The following RCC1L variants were observed in gnomAD, a reference collection of about 807,000 sequenced individuals.
The protein encoded by RCC1L is RCC1 like, also known as RCC1-like G exchanging factor-like protein.
Under a neutral mutation model 58.6 loss-of-function variants are expected in RCC1L, and 46 were observed. The observed-to-expected ratio is 0.79, with a 90% CI of 0.62 to 1.00. The LOEUF (loss-of-function observed/expected upper bound fraction) is 1.00. Among genes scored for constraint, RCC1L ranks in the 50% least tolerant of loss-of-function variants. The probability of loss-of-function intolerance (pLI) is 0.00; values close to 1 mark genes in which losing one functional copy is unlikely to be tolerated. For synonymous variants in RCC1L, 281 were observed against 262.9 expected (o/e 1.07, Z -0.67); for missense variants, 636 against 623.6 (o/e 1.02, Z -0.21).
At chr7:75,035,061 C>T (rs1241609153) in intron 10 of RCC1L, among the ~76,000 whole-genome samples, 1 of 152,068 alleles carries the variant, frequency 6.6e-6, no homozygotes, top group Non-Finnish European at 1.5e-5. Context: ...GATGGAGTCT[C>T]GCTCTGTCAC....
At chr7:75,041,943 C>G (rs982514656), downstream of RCC1L, among the ~76,000 whole-genome samples, 7 of 151,572 alleles carry the variant, frequency 4.6e-5, no homozygotes, top group South Asian at 1.5e-3. Context: ...TTCAGTTGAG[C>G]ACGGTAGCTC....
chr7:75,066,047 AC>A (rs1365339159), intron 3 of RCC1L, among the ~76,000 whole-genome samples: 5 of 151,018 alleles, frequency 3.3e-5, no homozygotes, highest in African/African-American at 1.2e-4. Context: ...AGCCACGTCT[AC>A]ACACCACCCA....
chr7:75,042,953 G>C lies in RCC1L; in HGVS notation c.*79C>G, dbSNP rs907864075. On this transcript the variant is annotated 3_prime_UTR_variant, in exon 11 of 11. Coordinates refer to ENST00000610322, the MANE Select transcript of RCC1L (RefSeq NM_030798.5). ...CGCCACCACCATCCAAGAACCCCGG[G>C]GGGCTGGCCACGCGCTGGCCTCTGC... The C allele has an allele frequency of 5.2e-5, 84 of 1,608,756 alleles. No individual in the cohort carries two copies. The African/African-American group carries it at 1.1e-3, about 20-fold the overall frequency.
chr7:75,063,285 C>T lies in RCC1L; in HGVS notation c.702+7G>A. On this transcript the variant is annotated splice_region_variant and intron_variant, in intron 5 of 10. Coordinates refer to ENST00000610322, the MANE Select transcript of RCC1L (RefSeq NM_030798.5). ...ACAACAAGCAGCTCTCGGCCCATCT[C>T]TCTTACCTGGACCACCTGGCCATCG... 1.2e-6 allele frequency: 2 copies of T among 1,613,884 alleles called. No individual in the cohort carries two copies. Among genetic ancestry groups the T allele is most frequent in the South Asian group, 1.1e-5 (1 of 91,076 alleles).
At chr7:75,061,620 TCA>T (rs1806281958) in intron 5 of RCC1L, among the ~76,000 whole-genome samples, 1 of 152,106 alleles carries the variant, frequency 6.6e-6, no homozygotes, top group East Asian at 1.9e-4. Context: ...CCAGCCTTGC[TCA>T]CACACTCAGC....
chr7:75,061,200 A>G lies in RCC1L; in HGVS notation c.787+7T>C, dbSNP rs1584499890. The G allele has an allele frequency of 6.2e-7, 1 of 1,612,868 alleles. No individual in the cohort carries two copies. Among genetic ancestry groups the G allele is most frequent in the Non-Finnish European group, 8.5e-7 (1 of 1,179,172 alleles). ...TTCACGACCCCAGTGCATGAAAAGA[A>G]CTCTACCTGTTTGCCCATCAGCACC... On this transcript the variant is annotated splice_region_variant and intron_variant, in intron 6 of 10. Coordinates refer to ENST00000610322, the MANE Select transcript of RCC1L (RefSeq NM_030798.5).
chr7:75,064,748 TCACCCC>T, intron 3 of RCC1L, 100 bp from the exon 4 acceptor site: 1 of 1,317,284 alleles, frequency 7.6e-7, no homozygotes, highest in Non-Finnish European at 1.1e-6. Flanking sequence ...TCCTGGTTAC[TCACCCC>T]CACCCCCCAA....
At position 75,073,574 on chromosome 7, in the gene RCC1L, G is replaced by A. The variant is rs1554446510; in HGVS notation, c.164C>T (p.Ala55Val). The stretch of plus-strand genomic sequence containing the variant: ...CACGAAGACGCGATCGGCGCGGGCA[G>A]CGCGCTCGCCCACGTACTGGACCAC... ...VPVVQYVGER[A>V]ARADRVFVWG... Residue 55 changes from alanine to valine, a missense_variant, in exon 1 of 11, where the codon GCT becomes GTT. Physicochemically the swap from Ala to Val is moderately conservative, Grantham distance 64. Coordinates refer to ENST00000610322, the MANE Select transcript of RCC1L (RefSeq NM_030798.5). The A allele has an allele frequency of 4.0e-6, 6 of 1,511,608 alleles. No individual in the cohort carries two copies. In the Admixed American group the frequency reaches 1.4e-4, roughly 34 times the overall value. 93.6% of individuals were successfully genotyped at this position (1,511,608 alleles called of 1,614,324 possible).
chr7:75,048,504 TCCGTGTCC>T (rs1671865195), intron 10 of RCC1L, among the ~76,000 whole-genome samples: 1 of 152,330 alleles, frequency 6.6e-6, no homozygotes, highest in Admixed American at 6.5e-5. Context: ...GCTCCTGACT[TCCGTGTCC>T]CCGTGTGCAC....
In RCC1L at chr7:75,059,992, G is replaced by A. The variant is rs587629433; in HGVS notation, c.787+1215C>T. ...TCAGCCAGGATGGTCTCGATCTCTT[G>A]ACCTCGTGATCCACCTGCCTAGGCC... On this transcript the variant is annotated intron_variant, in intron 6 of 10. Transcript: ENST00000610322. 3.3e-3 allele frequency among the ~76,000 whole-genome samples: 495 copies of A among 151,554 alleles called. 2 individuals carry two copies. The highest frequency in any genetic ancestry group is 0.011 in the African/African-American group (463 of 41,278).
chr7:75,041,465 C>G (rs1403924709), downstream of RCC1L, among the ~76,000 whole-genome samples: 1 of 152,070 alleles, frequency 6.6e-6, no homozygotes, highest in African/African-American at 2.4e-5. Flanking sequence ...ATTAAAGGAA[C>G]GAGGTAAAGG....
At chr7:75,037,042 G>A (rs1246170257) in intron 10 of RCC1L, among the ~76,000 whole-genome samples, 3 of 152,286 alleles carry the variant, frequency 2.0e-5, no homozygotes, top group Middle Eastern at 3.4e-3. Flanking sequence ...TCCGACTGGC[G>A]TGACTTCATG....
rs1044636070 is a variant in RCC1L at position 75,031,705 on chromosome 7, T to C, written c.1318-3626A>G. Among the ~76,000 whole-genome samples the C allele has an allele frequency of 3.8e-3, 580 of 152,168 alleles. 1 individual carries two copies. Among genetic ancestry groups the C allele is most frequent in the Non-Finnish European group, 6.9e-3 (472 of 67,996 alleles). ...CGGAGGGGTTGTATTAGTTACCTGGTGCTGTATAACAAGTTGCCCCCAAAC... is the reference window on the plus strand; with the variant it reads ...CGGAGGGGTTGTATTAGTTACCTGGCGCTGTATAACAAGTTGCCCCCAAAC... On this transcript the variant is annotated intron_variant, in intron 10 of 10. Coordinates refer to the RCC1L transcript ENST00000614461.
chr7:75,038,247 A>G (rs914901344), downstream of RCC1L, among the ~76,000 whole-genome samples: 5 of 152,126 alleles, frequency 3.3e-5, no homozygotes, highest in African/African-American at 4.8e-5. Flanking sequence ...AGAAGACCCC[A>G]GAACAGTTGT....
At chr7:75,034,877 C>G (rs1805403044) in intron 10 of RCC1L, among the ~76,000 whole-genome samples, 1 of 152,038 alleles carries the variant, frequency 6.6e-6, no homozygotes, top group African/African-American at 2.4e-5. Flanking sequence ...TGCCCTTGAA[C>G]TCCTGAGCTC....
chr7:75,043,316 C>T (rs1828003868), intron 10 of RCC1L, among the ~76,000 whole-genome samples: 1 of 152,362 alleles, frequency 6.6e-6, no homozygotes, highest in Non-Finnish European at 1.5e-5. Context: ...TTAGGCCTCC[C>T]CAGCAGGTCC....
intron 2 of RCC1L, among the ~76,000 whole-genome samples, chr7:75,067,610 G>A (rs1554445385): frequency 6.6e-6 from 1 of 151,686 alleles, no homozygotes; most frequent in Non-Finnish European, 1.5e-5. Flanking sequence ...AGCCTTCTGG[G>A]AGACAGAGCG....
rs1296009462 is a variant in RCC1L at position 75,070,501 on chromosome 7, G to A, written c.454+139C>T. ...CAGGAGAATCACTTGAACCCGGGAG[G>A]TGGAGGTTGCAGTGAGCCAGGATCT... On this transcript the variant is annotated intron_variant, in intron 2 of 10. Coordinates refer to ENST00000610322, the MANE Select transcript of RCC1L (RefSeq NM_030798.5). 9 of 1,133,452 alleles carry A rather than the reference G, an allele frequency of 7.9e-6. No individual in the cohort carries two copies. In the Admixed American group the frequency reaches 1.2e-4, roughly 15 times the overall value. 70.2% of individuals were successfully genotyped at this position (1,133,452 alleles called of 1,614,324 possible).
intron 10 of RCC1L, among the ~76,000 whole-genome samples, chr7:75,035,536 C>A (rs1321933795): frequency 2.0e-5 from 3 of 152,230 alleles, no homozygotes; most frequent in Non-Finnish European, 4.4e-5. Context: ...AGGTATACAT[C>A]CATGAAAATT....
Sources: allele counts gnomAD v4.1 joint callset (sites outside exome capture counted in the v4.1 genomes callset), GRCh38; gene constraint gnomAD v4.1.1; transcripts MANE v1.5; gene names NCBI Gene and HGNC (gene_info 2026-07-23, HGNC 2026-07-21).